Variants in TAF9B observed in about 807,000 individuals in gnomAD.
TAF9B encodes transcription initiation factor TFIID subunit 9B.
TAF9B carries 47 observed loss-of-function variants against 17.6 expected under a neutral mutation model. The ratio of observed to expected loss-of-function variants is 2.68; its 90% confidence interval spans 2.12 to 3.41. The LOEUF is 3.41. Ranked by LOEUF, TAF9B falls within the 30% of genes most tolerant of loss-of-function variation. The pLI is 0.00. For missense variants in TAF9B, 218 were observed against 189.3 expected (o/e 1.15, Z -0.89); for synonymous variants, 84 against 68.7 (o/e 1.22, Z -1.10).
chrX:78,132,620 G>A (rs935787945), intron 6 of TAF9B, among the ~76,000 whole-genome samples: 1 of 108,671 alleles, frequency 9.2e-6, no homozygotes, highest in African/African-American at 3.4e-5. Flanking sequence ...CTGTGTGTGT[G>A]TGTGTGTGTG....
chrX:78,138,343 G>C (rs967881088), intron 2 of TAF9B, among the ~76,000 whole-genome samples: 4 of 112,509 alleles, frequency 3.6e-5, no homozygotes, highest in Non-Finnish European at 5.6e-5. Context: ...ATAAGTAATT[G>C]TCCTGTCTAT....
intron 1 of TAF9B, 84 bp downstream of exon 1, chrX:78,139,476 AC>A: frequency 8.6e-7 from 1 of 1,168,650 alleles, no homozygotes; most frequent in South Asian, 1.9e-5. Flanking sequence ...GTGCGAGCCG[AC>A]CCTCAGGCCC....
chrX:78,133,738 A>G (rs1557249786), intron 5 of TAF9B, among the ~76,000 whole-genome samples: 1 of 111,083 alleles, frequency 9.0e-6, no homozygotes, highest in Non-Finnish European at 1.9e-5. Flanking sequence ...GTTTATTTAA[A>G]TTTTTGTGCC....
Position 78,138,885 on chromosome X carries a change from ACT to A in TAF9B, c.89_90del (p.Glu30ValfsTer2). ...ATTTGATTTATAACCCTTGGTTCAT[ACT>A]CTGTGATTCCCATATCCTTCAGGAT... ...AQILKDMGIT[E>X]YEPRVINQML... On this transcript the variant is annotated frameshift_variant, in exon 2 of 7. Transcript: ENST00000341864. LOFTEE classifies it high-confidence loss of function. 1 of 1,208,945 alleles carries A rather than the reference ACT, an allele frequency of 8.3e-7. No individual in the cohort carries two copies. The highest frequency in any genetic ancestry group is 1.1e-6 in the Non-Finnish European group (1 of 892,924).
rs369856017 is a variant in TAF9B at position 78,137,748 on chromosome X, C to T, written c.405+1G>A. On this transcript the variant is annotated splice_donor_variant, in intron 4 of 6. Transcript: ENST00000341864. LOFTEE classifies it high-confidence loss of function. Reference sequence around the variant, plus strand: ...AAGAAAAGTTGACTAAAATTTCTTACCTTTTTAATTAAGGACTTCAGCCTA... The same window carrying T: ...AAGAAAAGTTGACTAAAATTTCTTATCTTTTTAATTAAGGACTTCAGCCTA... 2 of 1,181,602 alleles carry T rather than the reference C, an allele frequency of 1.7e-6. No individual in the cohort carries two copies. Among genetic ancestry groups the T allele is most frequent in the African/African-American group, 1.8e-5 (1 of 55,671 alleles).
Position 78,131,448 on chromosome X carries a change from T to G in TAF9B, c.*162A>C, listed in dbSNP as rs2078411785. On this transcript the variant is annotated 3_prime_UTR_variant, in exon 7 of 7. Transcript: ENST00000341864. ...AATTGAAGCCTACTGAAAAACACATTTGTATGTTTACTAAAGAGATCTAAC... is the reference window on the plus strand; with the variant it reads ...AATTGAAGCCTACTGAAAAACACATGTGTATGTTTACTAAAGAGATCTAAC... The G allele has an allele frequency of 2.5e-6, 1 of 396,708 alleles. No individual in the cohort carries two copies. The highest frequency in any genetic ancestry group is 4.3e-6 in the Non-Finnish European group (1 of 235,108). The allele number at this position is 396,708 out of a possible 1,213,427, so 32.7% of individuals were successfully genotyped here. A position where few individuals can be genotyped will look rare whatever the true frequency, so the allele number is the denominator to read the frequency against.
intron 4 of TAF9B, 64 bp downstream of exon 4, chrX:78,137,685 T>C: frequency 9.5e-7 from 1 of 1,056,238 alleles, no homozygotes; most frequent in Non-Finnish European, 1.3e-6. Context: ...GGAATTTGCT[T>C]TTCACAAAGT....
At chrX:78,135,768 A>T (rs2078431904) in intron 5 of TAF9B, among the ~76,000 whole-genome samples, 1 of 112,088 alleles carries the variant, frequency 8.9e-6, no homozygotes, top group Admixed American at 9.4e-5. Flanking sequence ...AACCTGCCTA[A>T]CACACGAAAC....
chrX:78,133,071 GAA>G (rs1394427560), intron 6 of TAF9B, among the ~76,000 whole-genome samples: 11 of 111,545 alleles, frequency 9.9e-5, no homozygotes, highest in African/African-American at 3.6e-4. Context: ...TTATAATTTA[GAA>G]AGTTTATAAA....
rs782493197 is a variant in TAF9B at position 78,138,842 on chromosome X, C to A, written c.133+1G>T. On this transcript the variant is annotated splice_donor_variant, in intron 2 of 6. Transcript: ENST00000341864. LOFTEE classifies it high-confidence loss of function. ...AAGTTTTTGGTGTTTCATTAACTTA[C>A]GGAAAGCAAATTCCAACATTTGATT... 1.7e-6 allele frequency: 2 copies of A among 1,195,437 alleles called. No individual in the cohort carries two copies. Among genetic ancestry groups the A allele is most frequent in the Non-Finnish European group, 2.3e-6 (2 of 881,123 alleles).
chrX:78,138,819 G>A, intron 2 of TAF9B, 24 bp downstream of exon 2: 1 of 1,104,254 alleles, frequency 9.1e-7, no homozygotes, highest in African/African-American at 1.8e-5. Flanking sequence ...AGTTAGGCAA[G>A]TTTTTGGTGT....
rs782728265 is a variant in TAF9B, at chrX:78,133,457, AC to A, written c.482-10del. 3.5e-6 allele frequency: 4 copies of A among 1,159,112 alleles called. No homozygotes were observed. The South Asian group carries it at 7.2e-5, about 21-fold the overall frequency. On this transcript the variant is annotated splice_polypyrimidine_tract_variant and intron_variant, in intron 5 of 6. Transcript: ENST00000341864. ...CACCGTTTGTGGGGTTGCTGTAGTT[AC>A]AATAAACAGACCATGTTTGTTAGGT... is the stretch of plus-strand genomic sequence containing the variant.
In TAF9B at chrX:78,139,641, C is replaced by CAGAGGAG. The variant is rs1603400226; in HGVS notation, c.-37_-31dup. The CAGAGGAG allele has an allele frequency of 3.3e-6, 4 of 1,209,627 alleles. No homozygotes were observed. The highest frequency in any genetic ancestry group is 1.7e-5 in the African/African-American group (1 of 57,486). On this transcript the variant is annotated 5_prime_UTR_variant, in exon 1 of 7. Transcript: ENST00000341864. ...TCCAGCCACTCGTCATCCGCGGAGACAGAGGAGAGAGGAGAGCTCGCGGGC... is the reference window on the plus strand; with the variant it reads ...TCCAGCCACTCGTCATCCGCGGAGACAGAGGAGAGAGGAGAGAGGAGAGCTCGCGGGC...
chrX:78,131,442 A>C lies in TAF9B; in HGVS notation c.*168T>G, dbSNP rs1271376469. The C allele has an allele frequency of 2.6e-6, 1 of 378,974 alleles. No individual in the cohort carries two copies. The highest frequency in any genetic ancestry group is 2.6e-5 in the African/African-American group (1 of 39,146). 31.2% of individuals were successfully genotyped at this position (378,974 alleles called of 1,213,427 possible). On this transcript the variant is annotated 3_prime_UTR_variant, in exon 7 of 7. Transcript: ENST00000341864. ...GTTTGTAATTGAAGCCTACTGAAAA[A>C]CACATTTGTATGTTTACTAAAGAGA...
At position 78,131,046 on chromosome X, in the gene TAF9B, A is replaced by C. The variant is rs2078408338; in HGVS notation, c.*564T>G. The C allele has an allele frequency of 9.0e-6, 1 of 111,557 alleles. No individual in the cohort carries two copies. Among genetic ancestry groups the C allele is most frequent in the Non-Finnish European group, 1.9e-5 (1 of 53,115 alleles). The allele number at this position is 111,557 out of a possible 1,213,427, so 9.2% of individuals were successfully genotyped here. A position where few individuals can be genotyped will look rare whatever the true frequency, so the allele number is the denominator to read the frequency against. ...ACAAGCCTATGGGGGAGGTGCAGAA[A>C]ATGAATGGGATCTAGAAAGGGAGTT... is the stretch of plus-strand genomic sequence containing the variant. On this transcript the variant is annotated 3_prime_UTR_variant, in exon 7 of 7. Transcript: ENST00000341864.
intron 5 of TAF9B, 38 bp from the exon 6 acceptor site, chrX:78,133,486 CTT>C: frequency 2.9e-6 from 3 of 1,027,605 alleles, no homozygotes; most frequent in African/African-American, 1.8e-5. Context: ...TGTTAGGTGA[CTT>C]ATACAGATTT....
At chrX:78,135,415 G>GAA (rs782511393) in intron 5 of TAF9B, among the ~76,000 whole-genome samples, 15 of 84,646 alleles carry the variant, frequency 1.8e-4, no homozygotes, top group African/African-American at 5.6e-4. Flanking sequence ...CGTCTTTACT[G>GAA]AAAAAAAAAA....
In TAF9B at chrX:78,138,017, C is replaced by G; in HGVS notation, c.215G>C (p.Arg72Thr). ...KKPNVDADDV[R>T]LAIQCRADQS... ...GTCAGCACGACACTGGATTGCCAGT[C>G]TCACATCATCTGCATCAACATTAGG... Residue 72 changes from arginine (R) to threonine (T), a missense_variant, in exon 3 of 7, where the codon AGA becomes ACA. By Grantham distance (71) the Arg-to-Thr change is moderately conservative (BLOSUM62 -1). Coordinates refer to ENST00000341864, the MANE Select transcript of TAF9B (RefSeq NM_015975.5). 8.3e-7 allele frequency: 1 copy of G among 1,209,602 alleles called. No individual in the cohort carries two copies. Among genetic ancestry groups the G allele is most frequent in the Non-Finnish European group, 1.1e-6 (1 of 894,260 alleles).
At position 78,131,323 on chromosome X, in the gene TAF9B, T is replaced by TATCA. The variant is rs1279279385; in HGVS notation, c.*283_*286dup. On this transcript the variant is annotated 3_prime_UTR_variant, in exon 7 of 7. Transcript: ENST00000341864. ...GTAGAATCTGAAACTTAAATGCTAC[T>TATCA]ATCAGTGATAGAAGGCAGAAAAGTG... The TATCA allele has an allele frequency of 2.2e-5, 4 of 185,360 alleles. No individual in the cohort carries two copies. Among genetic ancestry groups the TATCA allele is most frequent in the African/African-American group, 1.2e-4 (4 of 33,647 alleles). 15.3% of individuals were successfully genotyped at this position (185,360 alleles called of 1,213,427 possible). A position where few individuals can be genotyped will look rare whatever the true frequency, so the allele number is the denominator to read the frequency against.
Sources: gnomAD v4.1 joint callset for allele counts (sites outside exome capture counted in the v4.1 genomes callset) on GRCh38, gnomAD v4.1.1 for gene constraint, MANE v1.5 for transcripts, NCBI Gene and HGNC (gene_info 2026-07-23, HGNC 2026-07-21) for gene names.